The following CCDC7 variants were observed in gnomAD, a reference collection of about 807,000 sequenced individuals.
CCDC7 encodes coiled-coil domain-containing protein 7.
Under a neutral mutation model 196.9 loss-of-function variants are expected in CCDC7, and 183 were observed. The observed-to-expected ratio is 0.93, with a 90% CI of 0.82 to 1.05. CCDC7 has a LOEUF of 1.05. Among genes scored for constraint, CCDC7 ranks in the 50% least tolerant of loss-of-function variants. The probability of loss-of-function intolerance (pLI) is 0.00; values close to 1 mark genes in which losing one functional copy is unlikely to be tolerated. For synonymous variants in CCDC7, 525 were observed against 484.6 expected, an observed-to-expected ratio of 1.08 and a Z score of -1.10; for missense variants, 1,540 against 1,482.2, an observed-to-expected ratio of 1.04 and a Z score of -0.64.
At chr10:32,564,000 A>T (rs1383422098) in intron 13 of CCDC7, among the ~76,000 whole-genome samples, 1 of 152,258 alleles carries the variant, frequency 6.6e-6, no homozygotes, top group East Asian at 1.9e-4. Context: ...GGACATGAGC[A>T]GACACTTCTC....
intron 3 of CCDC7, among the ~76,000 whole-genome samples, chr10:32,461,713 ATATATATATATATATATG>A (rs1412650614): frequency 4.9e-5 from 2 of 41,128 alleles, no homozygotes; most frequent in African/African-American, 1.8e-4. Context: ...GTGTGTGTAT[ATATATATATATATATATG>A]TATATATATA....
intron 22 of CCDC7, among the ~76,000 whole-genome samples, chr10:32,687,212 A>C (rs574006072): frequency 1.3e-5 from 2 of 152,316 alleles, no homozygotes; most frequent in African/African-American, 4.8e-5. Flanking sequence ...GCATGGAGAA[A>C]TAGTCTCATG....
intron 20 of CCDC7, among the ~76,000 whole-genome samples, chr10:32,656,597 G>T (rs1369889864): frequency 6.6e-6 from 1 of 152,098 alleles, no homozygotes; most frequent in African/African-American, 2.4e-5. Context: ...AATAGCATGG[G>T]GGTAACTGCC....
intron 28 of CCDC7, among the ~76,000 whole-genome samples, chr10:32,753,169 A>G (rs1056016371): frequency 1.4e-4 from 21 of 152,160 alleles, no homozygotes; most frequent in African/African-American, 2.4e-5. Flanking sequence ...TCTTTTGCCA[A>G]TGGACTCAAA....
chr10:32,606,000 C>T (rs2061523860), intron 18 of CCDC7, among the ~76,000 whole-genome samples: 1 of 152,212 alleles, frequency 6.6e-6, no homozygotes, highest in Admixed American at 6.5e-5. Context: ...AGCAGCCCAT[C>T]CCATCACATG....
chr10:32,636,457 C>G (rs981235148), intron 20 of CCDC7, among the ~76,000 whole-genome samples: 3 of 152,108 alleles, frequency 2.0e-5, no homozygotes, highest in Admixed American at 2.0e-4. Context: ...CAATTCCCAC[C>G]TATGAGTGAG....
intron 18 of CCDC7, among the ~76,000 whole-genome samples, chr10:32,595,144 C>T (rs1324734090): frequency 6.6e-6 from 1 of 152,116 alleles, no homozygotes; most frequent in African/African-American, 2.4e-5. Context: ...CTCTTTGTAC[C>T]TCTGGCAGAA....
chr10:32,848,060 C>G, intron 38 of CCDC7, 144 bp downstream of exon 39: 1 of 497,464 alleles, frequency 2.0e-6, no homozygotes, highest in South Asian at 4.1e-5. Context: ...TAGTTAAACT[C>G]TCGTATTATC....
intron 9 of CCDC7, among the ~76,000 whole-genome samples, chr10:32,493,337 C>A (rs1160058314): frequency 6.6e-6 from 1 of 151,094 alleles, no homozygotes; most frequent in African/African-American, 2.4e-5. Context: ...GACAGGATTT[C>A]CTTCTTTTTA....
intron 21 of CCDC7, among the ~76,000 whole-genome samples, chr10:32,667,990 C>G (rs942103688): frequency 4.5e-4 from 69 of 152,106 alleles, no homozygotes; most frequent in Non-Finnish European, 4.6e-4. Context: ...ATTGATTCTT[C>G]CTGCCCATGA....
At chr10:32,832,972 A>G (rs1228332155) in intron 32 of CCDC7, among the ~76,000 whole-genome samples, 2 of 152,132 alleles carry the variant, frequency 1.3e-5, no homozygotes, top group African/African-American at 2.4e-5. Flanking sequence ...TAAGAAAATG[A>G]CAATAGATGG....
chr10:32,871,447 T>G (rs2094427873), intron 41 of CCDC7, among the ~76,000 whole-genome samples: 2 of 151,758 alleles, frequency 1.3e-5, no homozygotes, highest in African/African-American at 4.9e-5. Flanking sequence ...AGTGGTGATA[T>G]CCCCTTTATC....
At chr10:32,635,105 G>T in exon 20 of CCDC7, 3 of 398,754 alleles carry the variant, frequency 7.5e-6, no homozygotes, top group Non-Finnish European at 1.3e-5. Context: ...TTAGTTTCAA[G>T]AATCCAATCT....
At chr10:32,646,223 A>G (rs1010821759) in intron 20 of CCDC7, among the ~76,000 whole-genome samples, 2 of 144,792 alleles carry the variant, frequency 1.4e-5, no homozygotes, top group Non-Finnish European at 3.0e-5. Flanking sequence ...TGTATGTTGT[A>G]TTTTCATTTT....
At chr10:32,786,647 G>A (rs2081937933) in intron 29 of CCDC7, among the ~76,000 whole-genome samples, 1 of 152,148 alleles carries the variant, frequency 6.6e-6, no homozygotes, top group Non-Finnish European at 1.5e-5. Flanking sequence ...TGTAATCCCA[G>A]CTATTAGGGA....
exon 33 of CCDC7, chr10:32,834,817 A>G (rs764282575): frequency 1.2e-5 from 17 of 1,380,454 alleles, no homozygotes; most frequent in Non-Finnish European, 1.7e-5. Flanking sequence ...TTTTATAGAG[A>G]CTGTCTTAAA....
At chr10:32,740,812 T>C (rs941781044) in intron 28 of CCDC7, among the ~76,000 whole-genome samples, 4 of 152,176 alleles carry the variant, frequency 2.6e-5, no homozygotes, top group Middle Eastern at 3.2e-3. Flanking sequence ...CTTACTTATT[T>C]TTACTTCTCT....
At chr10:32,640,876 C>CTTTTTTT (rs1193198487) in intron 20 of CCDC7, among the ~76,000 whole-genome samples, 1 of 87,104 alleles carries the variant, frequency 1.1e-5, no homozygotes, top group African/African-American at 3.9e-5. Context: ...TTTTTTTTTT[C>CTTTTTTT]TTTTTTTTTT....
intron 28 of CCDC7, among the ~76,000 whole-genome samples, chr10:32,751,991 T>A (rs2075735633): frequency 1.3e-5 from 2 of 152,162 alleles, no homozygotes; most frequent in African/African-American, 4.8e-5. Flanking sequence ...TTTACAGTAG[T>A]CCATCTGCAA....
Sources: allele counts gnomAD v4.1 joint callset (sites outside exome capture counted in the v4.1 genomes callset), GRCh38; gene constraint gnomAD v4.1.1; transcripts MANE v1.5; gene names NCBI Gene and HGNC (gene_info 2026-07-23, HGNC 2026-07-21).